The following FHOD3 variants were observed in gnomAD, a reference collection of about 807,000 sequenced individuals.
FHOD3 encodes the protein FH1/FH2 domain-containing protein 3.
In FHOD3, 90 loss-of-function variants were observed where a neutral mutation model predicts 173.0. That is an observed-to-expected ratio of 0.52 (90% confidence interval 0.44 to 0.62). The LOEUF is 0.62. Among genes scored for constraint, FHOD3 ranks in the 20% least tolerant of loss-of-function variants. The pLI is 0.00. For synonymous variants in FHOD3, 828 were observed against 823.0 expected (o/e 1.01, Z -0.10); for missense variants, 1,945 against 2,034.7 (o/e 0.96, Z 0.85).
chr18:36,494,057 T>C (rs2054608985), intron 3 of FHOD3, among the ~76,000 whole-genome samples: 1 of 152,214 alleles, frequency 6.6e-6, no homozygotes, highest in Non-Finnish European at 1.5e-5. Context: ...CCCTACATAT[T>C]CTTTCACTGA....
At chr18:36,372,072 C>T (rs7243792) in intron 2 of FHOD3, among the ~76,000 whole-genome samples, 65,017 of 152,018 alleles carry the variant, frequency 0.43, 14,890 homozygotes, top group East Asian at 0.67. Context: ...CTGCCCTTTT[C>T]CTTCCTCATG....
chr18:36,718,603 A>G lies in FHOD3; in HGVS notation c.3305A>G (p.Asn1102Ser). ...EVRPFDWPCK[N>S]NRRCREFLWS... ...CGGCCTTTTGACTGGCCATGTAAAA[A>G]CAACCGACGCTGCAGAGAATTCCTG... Residue 1102 changes from asparagine (N) to serine (S), a missense_variant, in exon 19 of 29, where the codon AAC becomes AGC. Transcript: ENST00000590592. 3.1e-6 allele frequency: 5 copies of G among 1,614,162 alleles called. No homozygotes were observed. Among genetic ancestry groups the G allele is most frequent in the Non-Finnish European group, 4.2e-6 (5 of 1,180,038 alleles).
chr18:36,759,366 C>T (rs1252305271), intron 26 of FHOD3, among the ~76,000 whole-genome samples: 1 of 149,966 alleles, frequency 6.7e-6, no homozygotes, highest in Non-Finnish European at 1.5e-5. Context: ...TCCGAGCTGT[C>T]CCTGAGGCCC....
intron 10 of FHOD3, among the ~76,000 whole-genome samples, chr18:36,632,814 A>C (rs1368288931): frequency 6.6e-6 from 1 of 152,202 alleles, no homozygotes; most frequent in Non-Finnish European, 1.5e-5. Flanking sequence ...GCCTCCTTGA[A>C]GGAAAGAATT....
intron 5 of FHOD3, among the ~76,000 whole-genome samples, chr18:36,562,759 G>A (rs1003445570): frequency 1.3e-5 from 2 of 152,204 alleles, no homozygotes; most frequent in Non-Finnish European, 2.9e-5. Context: ...TAATAGTTTG[G>A]TTTAGCATTG....
At chr18:36,299,594 T>C (rs369707854) in intron 1 of FHOD3, among the ~76,000 whole-genome samples, 1 of 152,298 alleles carries the variant, frequency 6.6e-6, no homozygotes, top group Admixed American at 6.5e-5. Context: ...AGCTGCAGTA[T>C]GTTTTCATGT....
chr18:36,494,426 A>G (rs992521666), intron 3 of FHOD3, among the ~76,000 whole-genome samples: 3 of 152,230 alleles, frequency 2.0e-5, no homozygotes, highest in Admixed American at 2.0e-4. Flanking sequence ...TGTTCTGATT[A>G]CACCTTCTTG....
intron 9 of FHOD3, among the ~76,000 whole-genome samples, chr18:36,614,409 C>T (rs2032997375): frequency 6.6e-6 from 1 of 152,164 alleles, no homozygotes; most frequent in African/African-American, 2.4e-5. Context: ...TTAGTGAATA[C>T]TTGAGTTATT....
intron 21 of FHOD3, among the ~76,000 whole-genome samples, chr18:36,741,307 G>A (rs757675129): frequency 3.7e-4 from 57 of 152,210 alleles, no homozygotes; most frequent in Non-Finnish European, 6.9e-4. Flanking sequence ...AAAGCTTGAG[G>A]AGGCTCCTCC....
intron 19 of FHOD3, among the ~76,000 whole-genome samples, chr18:36,724,802 A>AG (rs2040971658): frequency 6.6e-6 from 1 of 152,204 alleles, no homozygotes; most frequent in Non-Finnish European, 1.5e-5. Flanking sequence ...TCTTTCCTCC[A>AG]GGGGAGAAGG....
chr18:36,323,740 A>G (rs1467070163), intron 1 of FHOD3, among the ~76,000 whole-genome samples: 1 of 152,174 alleles, frequency 6.6e-6, no homozygotes, highest in African/African-American at 2.4e-5. Flanking sequence ...GGCTTCACTA[A>G]ATCCTACCTG....
chr18:36,734,975 A>C (rs542168390), intron 20 of FHOD3, among the ~76,000 whole-genome samples: 1 of 152,344 alleles, frequency 6.6e-6, no homozygotes, highest in Non-Finnish European at 1.5e-5. Context: ...GTCATTTTTC[A>C]TAAGAGTATT....
At chr18:36,586,248 C>A (rs1373814694) in intron 6 of FHOD3, among the ~76,000 whole-genome samples, 4 of 152,172 alleles carry the variant, frequency 2.6e-5, no homozygotes, top group African/African-American at 9.7e-5. Context: ...TCAGATTGAC[C>A]TGGGTTTTTC....
intron 11 of FHOD3, among the ~76,000 whole-genome samples, chr18:36,650,539 A>G (rs906255564): frequency 6.6e-6 from 1 of 152,254 alleles, no homozygotes; most frequent in Non-Finnish European, 1.5e-5. Context: ...AGCATGAAAC[A>G]GAGACCCTGC....
At chr18:36,418,554 C>A (rs1239845149) in intron 3 of FHOD3, among the ~76,000 whole-genome samples, 1 of 152,148 alleles carries the variant, frequency 6.6e-6, no homozygotes, top group African/African-American at 2.4e-5. Flanking sequence ...AGGCACATGG[C>A]AAAACGTTGA....
intron 5 of FHOD3, among the ~76,000 whole-genome samples, chr18:36,541,744 C>T (rs1037799948): frequency 6.6e-6 from 1 of 152,100 alleles, no homozygotes; most frequent in East Asian, 1.9e-4. Flanking sequence ...TTCCTATAAC[C>T]TTTTAAAAGT....
Position 36,441,969 on chromosome 18 carries a change from C to T in FHOD3, c.338-59963C>T, listed in dbSNP as rs146465316. Among the ~76,000 whole-genome samples, 1,249 of 152,192 alleles carry T rather than the reference C, an allele frequency of 8.2e-3. 15 individuals are homozygous for T. The highest frequency in any genetic ancestry group is 0.029 in the African/African-American group (1,194 of 41,492). ...TTTCTGACTTTAGTTCATGAAAGTC[C>T]GTGAATAAAGCTTTGGAATAGAATA... On this transcript the variant is annotated intron_variant, in intron 3 of 28. Transcript: ENST00000590592.
intron 3 of FHOD3, among the ~76,000 whole-genome samples, chr18:36,407,576 T>C (rs575857525): frequency 5.9e-5 from 9 of 152,340 alleles, no homozygotes; most frequent in African/African-American, 2.2e-4. Context: ...GGTTCCCAGA[T>C]ATCAAAGACT....
intron 5 of FHOD3, among the ~76,000 whole-genome samples, chr18:36,516,754 G>A (rs763408016): frequency 8.5e-5 from 13 of 152,206 alleles, no homozygotes; most frequent in Non-Finnish European, 1.6e-4. Flanking sequence ...TAAAAAAGCT[G>A]TGTCAAGATA....
Sources: gnomAD v4.1 joint callset for allele counts (sites outside exome capture counted in the v4.1 genomes callset) on GRCh38, gnomAD v4.1.1 for gene constraint, MANE v1.5 for transcripts, NCBI Gene and HGNC (gene_info 2026-07-23, HGNC 2026-07-21) for gene names.